The following CSMD3 variants were observed in gnomAD, a reference collection of about 807,000 sequenced individuals.
CSMD3 encodes CUB and Sushi multiple domains 3.
CSMD3 carries 177 observed loss-of-function variants against 435.2 expected under a neutral mutation model. That is an observed-to-expected ratio of 0.41 (90% CI 0.36 to 0.46). The LOEUF (loss-of-function observed/expected upper bound fraction) is 0.46, where lower values mean the gene tolerates loss of function less well. Ranked by LOEUF, CSMD3 falls within the 20% of genes least tolerant of loss-of-function variation. CSMD3 has a pLI of 0.34. For synonymous variants in CSMD3, 1,656 were observed against 1,520.5 expected (o/e 1.09, Z -2.07); for missense variants, 4,265 against 4,504.6 (o/e 0.95, Z 1.52).
chr8:112,259,652 T>C (rs922770788), intron 61 of CSMD3, among the ~76,000 whole-genome samples: 3 of 152,102 alleles, frequency 2.0e-5, no homozygotes, highest in African/African-American at 7.2e-5. Flanking sequence ...AGTATAATAA[T>C]AGCACAAAAA....
chr8:112,851,571 C>A (rs1035147095), intron 11 of CSMD3, among the ~76,000 whole-genome samples: 1 of 152,096 alleles, frequency 6.6e-6, no homozygotes, highest in African/African-American at 2.4e-5. Flanking sequence ...CGAGACCAGC[C>A]TGGCCAACAT....
intron 1 of CSMD3, among the ~76,000 whole-genome samples, chr8:113,389,021 A>G (rs908094293): frequency 1.4e-5 from 1 of 71,586 alleles, no homozygotes; most frequent in East Asian, 1.2e-3. Context: ...TTACTGGGTA[A>G]TATTTGTAAA....
At chr8:112,705,923 C>A (rs998024675) in intron 13 of CSMD3, among the ~76,000 whole-genome samples, 22 of 152,152 alleles carry the variant, frequency 1.4e-4, no homozygotes, top group African/African-American at 4.3e-4. Context: ...TCCTCCTTGA[C>A]TTGCCTTGAG....
At chr8:112,749,608 A>T (rs1006436560) in intron 13 of CSMD3, among the ~76,000 whole-genome samples, 7 of 152,120 alleles carry the variant, frequency 4.6e-5, no homozygotes, top group Admixed American at 2.0e-4. Context: ...TTCAGACATG[A>T]GGAGCACTCT....
At chr8:112,503,149 A>G (rs1037242263) in intron 30 of CSMD3, among the ~76,000 whole-genome samples, 2 of 152,200 alleles carry the variant, frequency 1.3e-5, no homozygotes, top group African/African-American at 4.8e-5. Flanking sequence ...TGGCATGATC[A>G]TATCTCACTG....
chr8:113,006,451 T>C (rs1198062517), intron 6 of CSMD3, among the ~76,000 whole-genome samples: 1 of 152,026 alleles, frequency 6.6e-6, no homozygotes, highest in Non-Finnish European at 1.5e-5. Context: ...TGATACCTTT[T>C]AGCACCAGCC....
At chr8:112,908,108 T>C (rs1472921799) in intron 10 of CSMD3, among the ~76,000 whole-genome samples, 4 of 151,512 alleles carry the variant, frequency 2.6e-5, no homozygotes, top group African/African-American at 7.2e-5. Flanking sequence ...TACCATTGAA[T>C]ACCTTTTCTA....
intron 60 of CSMD3, 91 bp from the exon 61 acceptor site, chr8:112,263,903 G>T (rs1816684274): frequency 1.7e-6 from 2 of 1,164,820 alleles, no homozygotes; most frequent in Non-Finnish European, 2.6e-6. Flanking sequence ...AAGCACATGT[G>T]CTAATTTAAC....
chr8:113,179,481 G>A (rs72687605), intron 3 of CSMD3, among the ~76,000 whole-genome samples: 10,005 of 151,536 alleles, frequency 0.066, 452 homozygotes, highest in Non-Finnish European at 0.095. Flanking sequence ...GCTCCTCTCC[G>A]AATCATAAAG....
chr8:113,370,511 T>C lies in CSMD3; in HGVS notation c.179-55718A>G, dbSNP rs997530598. Among the ~76,000 whole-genome samples the C allele has an allele frequency of 4.6e-5, 7 of 151,956 alleles. 1 individual carries two copies. The stretch of plus-strand genomic sequence containing the variant: ...TATTGTGAAAGATCATTACAAATCA[T>C]TTATTGAATGCATGTATAAATTTTC... On this transcript the variant is annotated intron_variant, in intron 1 of 70. Transcript: ENST00000297405.
intron 22 of CSMD3, among the ~76,000 whole-genome samples, chr8:112,589,468 T>C (rs1830995402): frequency 6.6e-6 from 1 of 152,116 alleles, no homozygotes; most frequent in South Asian, 2.1e-4. Context: ...TGATGGTATA[T>C]TAAATTGAAA....
intron 3 of CSMD3, among the ~76,000 whole-genome samples, chr8:113,200,696 A>G (rs1156555950): frequency 6.6e-6 from 1 of 151,178 alleles, no homozygotes; most frequent in African/African-American, 2.4e-5. Context: ...CGAAATGAAG[A>G]TGAAGCAAAT....
At chr8:112,522,415 C>T (rs17885888) in intron 27 of CSMD3, among the ~76,000 whole-genome samples, 1 of 151,648 alleles carries the variant, frequency 6.6e-6, no homozygotes, top group African/African-American at 2.4e-5. Flanking sequence ...ATCTTCTTCA[C>T]TGATCTAAAT....
At chr8:112,703,122 C>A (rs754179212) in intron 13 of CSMD3, among the ~76,000 whole-genome samples, 1 of 152,130 alleles carries the variant, frequency 6.6e-6, no homozygotes, top group Non-Finnish European at 1.5e-5. Flanking sequence ...GTTGGGATTT[C>A]TTTAATACAT....
intron 1 of CSMD3, among the ~76,000 whole-genome samples, chr8:113,338,723 A>G (rs768492494): frequency 1.7e-4 from 26 of 151,878 alleles, no homozygotes; most frequent in Non-Finnish European, 3.5e-4. Context: ...GACTGCACAG[A>G]GGTAAGTGGC....
chr8:112,577,573 GA>G (rs1349342987), intron 23 of CSMD3, among the ~76,000 whole-genome samples: 5 of 152,006 alleles, frequency 3.3e-5, no homozygotes, highest in Non-Finnish European at 5.9e-5. Context: ...TTAATATCAT[GA>G]AAGTTATTGA....
intron 5 of CSMD3, among the ~76,000 whole-genome samples, chr8:113,080,950 A>G (rs1239562233): frequency 6.6e-6 from 1 of 152,212 alleles, no homozygotes; most frequent in African/African-American, 2.4e-5. Flanking sequence ...TGTTAGATAG[A>G]ATTGGAAATT....
At position 112,224,708 on chromosome 8, in the gene CSMD3, A is replaced by G. The variant is rs2129754593; in HGVS notation, c.*63T>C. On this transcript the variant is annotated 3_prime_UTR_variant, in exon 71 of 71. Coordinates refer to ENST00000297405, the MANE Select transcript of CSMD3 (RefSeq NM_198123.2). Reference sequence around the variant, plus strand: ...TGTGCTTTAATTTGTTTAGCAGTGAACTAAATGTGCACTGTTTTGTGTGTC... The same window carrying G: ...TGTGCTTTAATTTGTTTAGCAGTGAGCTAAATGTGCACTGTTTTGTGTGTC... The G allele has an allele frequency of 6.5e-7, 1 of 1,543,124 alleles. No individual in the cohort carries two copies. The highest frequency in any genetic ancestry group is 1.1e-5 in the South Asian group (1 of 89,668).
intron 53 of CSMD3, among the ~76,000 whole-genome samples, chr8:112,299,239 T>C (rs1820673284): frequency 6.6e-6 from 1 of 152,002 alleles, no homozygotes; most frequent in Non-Finnish European, 1.5e-5. Flanking sequence ...TAAGAAAACT[T>C]TCTGAGGTAA....
Sources: allele counts gnomAD v4.1 joint callset (sites outside exome capture counted in the v4.1 genomes callset), GRCh38; gene constraint gnomAD v4.1.1; transcripts MANE v1.5; gene names NCBI Gene and HGNC (gene_info 2026-07-23, HGNC 2026-07-21).